VGLL4: variants seen among roughly 807,000 people sequenced by gnomAD.
VGLL4 encodes vestigial like family member 4.
A neutral mutation model predicts 21.0 loss-of-function variants in VGLL4; 7 were observed. The ratio of observed to expected loss-of-function variants is 0.33; its 90% CI spans 0.19 to 0.63. The LOEUF (loss-of-function observed/expected upper bound fraction) is 0.63, where lower values mean the gene tolerates loss of function less well. VGLL4 is among the 20% of genes least tolerant of loss of function. The pLI is 0.78. For missense variants in VGLL4, 394 were observed against 425.7 expected (o/e 0.93, Z 0.66); for synonymous variants, 222 against 173.2 (o/e 1.28, Z -2.21).
intron 1 of VGLL4, among the ~76,000 whole-genome samples, chr3:11,605,827 T>C (rs892936): frequency 0.94 from 142,611 of 152,276 alleles, 66,911 homozygotes; most frequent in African/African-American, 0.95. Context: ...ATCAAAGATG[T>C]TATAGAATAA....
intron 2 of VGLL4, among the ~76,000 whole-genome samples, chr3:11,677,277 ATT>A (rs768290568): frequency 1.4e-5 from 2 of 145,282 alleles, no homozygotes; most frequent in Non-Finnish European, 1.5e-5. Context: ...ACAGACTGCA[ATT>A]TTTTTTTTTT....
intron 2 of VGLL4, among the ~76,000 whole-genome samples, chr3:11,666,464 CAG>C (rs1224458703): frequency 6.6e-6 from 1 of 152,042 alleles, no homozygotes; most frequent in Non-Finnish European, 1.5e-5. Flanking sequence ...GCGTGGAGAA[CAG>C]AGAGAAAGGA....
chr3:11,703,403 C>T (rs183455047), intron 1 of VGLL4, among the ~76,000 whole-genome samples: 20 of 152,336 alleles, frequency 1.3e-4, no homozygotes, highest in Admixed American at 1.2e-3. Flanking sequence ...AGAACAACGG[C>T]TGCTCTATGA....
intron 2 of VGLL4, among the ~76,000 whole-genome samples, chr3:11,592,064 C>G (rs2074512698): frequency 6.6e-6 from 1 of 152,244 alleles, no homozygotes; most frequent in African/African-American, 2.4e-5. Context: ...AGCACTGACC[C>G]TACCAAGTTT....
intron 2 of VGLL4, among the ~76,000 whole-genome samples, chr3:11,574,787 G>GTA (rs910243090): frequency 2.1e-4 from 13 of 61,012 alleles, no homozygotes; most frequent in African/African-American, 7.9e-4. Flanking sequence ...AACTATATAT[G>GTA]TGTGTGTGTG....
At position 11,643,702 on chromosome 3, in the gene VGLL4, G is replaced by C; in HGVS notation, c.-184C>G. ...AAAAAATCAGGCACAAAAAAATCGAGCTCACACGAAACCCTTCAAGGGCTT... is the reference window on the plus strand; with the variant it reads ...AAAAAATCAGGCACAAAAAAATCGACCTCACACGAAACCCTTCAAGGGCTT... On this transcript the variant is annotated 5_prime_UTR_variant, in exon 1 of 5. Coordinates refer to ENST00000430365, the MANE Select transcript of VGLL4 (RefSeq NM_001128219.3). 2.1e-6 allele frequency: 3 copies of C among 1,423,570 alleles called. No individual in the cohort carries two copies. The highest frequency in any genetic ancestry group is 2.7e-6 in the Non-Finnish European group (3 of 1,095,122). 88.2% of individuals were successfully genotyped at this position (1,423,570 alleles called of 1,614,324 possible).
intron 2 of VGLL4, among the ~76,000 whole-genome samples, chr3:11,658,392 T>C (rs1308084498): frequency 6.6e-6 from 1 of 152,012 alleles, no homozygotes; most frequent in Non-Finnish European, 1.5e-5. Flanking sequence ...AGAACATTTC[T>C]AGTTTGGTCT....
At chr3:11,559,638 C>G (rs991381499) in intron 3 of VGLL4, among the ~76,000 whole-genome samples, 183 bp from the exon 4 acceptor site, 2 of 152,212 alleles carry the variant, frequency 1.3e-5, no homozygotes, top group East Asian at 3.9e-4. Flanking sequence ...GAGCGCAGCT[C>G]CAAGGGTGTG....
intron 2 of VGLL4, among the ~76,000 whole-genome samples, chr3:11,566,221 C>T (rs773636390): frequency 2.6e-5 from 4 of 151,838 alleles, no homozygotes; most frequent in Non-Finnish European, 4.4e-5. Context: ...ATGTTACACA[C>T]ACGCACACCA....
At chr3:11,698,381 C>T (rs186889581) in intron 2 of VGLL4, among the ~76,000 whole-genome samples, 109 of 151,674 alleles carry the variant, frequency 7.2e-4, no homozygotes, top group African/African-American at 2.2e-3. Flanking sequence ...TGGTGACACA[C>T]GCCTGTAGTC....
At chr3:11,608,031 C>T (rs2125279315) in intron 1 of VGLL4, among the ~76,000 whole-genome samples, 1 of 152,268 alleles carries the variant, frequency 6.6e-6, no homozygotes, top group Non-Finnish European at 1.5e-5. Flanking sequence ...AGCACATACA[C>T]CAAAAGGAAC....
chr3:11,640,271 C>A (rs771777667), intron 1 of VGLL4, among the ~76,000 whole-genome samples: 2 of 152,148 alleles, frequency 1.3e-5, no homozygotes, highest in South Asian at 4.1e-4. Flanking sequence ...GTCACCAAGA[C>A]AGAATGCTCT....
intron 2 of VGLL4, among the ~76,000 whole-genome samples, chr3:11,601,556 G>A (rs972539327): frequency 2.0e-5 from 3 of 152,174 alleles, no homozygotes; most frequent in Admixed American, 6.5e-5. Context: ...TCGACTGCTC[G>A]CAGAAGCTCT....
intron 2 of VGLL4, among the ~76,000 whole-genome samples, chr3:11,691,737 T>A (rs566805133): frequency 1.3e-5 from 2 of 151,924 alleles, no homozygotes; most frequent in Admixed American, 1.3e-4. Context: ...TCCAAGCTGG[T>A]GGTAGTGCTG....
At chr3:11,585,912 C>G (rs574598731) in intron 2 of VGLL4, among the ~76,000 whole-genome samples, 39 of 152,198 alleles carry the variant, frequency 2.6e-4, no homozygotes, top group African/African-American at 9.4e-4. Context: ...GATGGACAGG[C>G]GACCCCCTGC....
intron 1 of VGLL4, among the ~76,000 whole-genome samples, chr3:11,619,594 G>A (rs916883147): frequency 5.9e-5 from 9 of 152,156 alleles, no homozygotes; most frequent in Admixed American, 1.3e-4. Context: ...GTGTTGACGC[G>A]GAAGGGCGGT....
rs368266362 is a variant in VGLL4 at position 11,618,178 on chromosome 3, AATC to A, written c.83-16159_83-16157del. ...ATATTAAAATAAACCAATTCTAAAA[AATC>A]ATCATCCTTCATTAGATTGGTGTCA... On this transcript the variant is annotated intron_variant, in intron 1 of 4. Coordinates refer to ENST00000430365, the MANE Select transcript of VGLL4 (RefSeq NM_001128219.3). Among the ~76,000 whole-genome samples, 97 of 152,346 alleles carry A rather than the reference AATC, an allele frequency of 6.4e-4. 2 individuals are homozygous for A. Among genetic ancestry groups the A allele is most frequent in the Admixed American group, 1.4e-3 (22 of 15,306 alleles).
chr3:11,671,361 C>T (rs574497423), intron 2 of VGLL4: 13 of 1,135,614 alleles, frequency 1.1e-5, no homozygotes, highest in South Asian at 2.4e-5. Context: ...GCGAGGACTA[C>T]GATTCTGCAT....
In VGLL4 at chr3:11,559,386, C is replaced by G; in HGVS notation, c.565G>C (p.Ala189Pro). 6.4e-7 allele frequency: 1 copy of G among 1,557,866 alleles called. No individual in the cohort carries two copies. The highest frequency in any genetic ancestry group is 8.7e-7 in the Non-Finnish European group (1 of 1,151,706). ...RNCNLSHCPIAHSGCAAPGPA... is the reference protein window; with the variant it reads ...RNCNLSHCPIPHSGCAAPGPA... ...CCGGGCGCGGCACAGCCGCTGTGCGCGATGGGGCAGTGCGAGAGGTTGCAG... is the reference window on the plus strand; with the variant it reads ...CCGGGCGCGGCACAGCCGCTGTGCGGGATGGGGCAGTGCGAGAGGTTGCAG... Residue 189 changes from alanine to proline, a missense_variant, in exon 4 of 5, where the codon GCG becomes CCG. Transcript: ENST00000430365.
Sources: gnomAD v4.1 joint callset for allele counts (sites outside exome capture counted in the v4.1 genomes callset) on GRCh38, gnomAD v4.1.1 for gene constraint, MANE v1.5 for transcripts, NCBI Gene and HGNC (gene_info 2026-07-23, HGNC 2026-07-21) for gene names.